PDZD2: variants seen among roughly 807,000 people sequenced by gnomAD.
PDZD2 encodes the protein PDZ domain-containing protein 2.
In PDZD2, 90 loss-of-function variants were observed where a neutral mutation model predicts 220.7. That is an observed-to-expected ratio of 0.41 (90% CI 0.34 to 0.49). The LOEUF is 0.49. Among genes scored for constraint, PDZD2 ranks in the 20% least tolerant of loss-of-function variants. The pLI, the probability that PDZD2 is intolerant of heterozygous loss-of-function variation, is 0.28. For missense variants in PDZD2, 3,174 were observed against 3,608.5 expected (o/e 0.88, Z 3.08); for synonymous variants, 1,375 against 1,450.5 (o/e 0.95, Z 1.18).
At chr5:32,073,741 A>G in intron 17 of PDZD2, 91 bp from the exon 18 acceptor site, 1 of 812,814 alleles carries the variant, frequency 1.2e-6, no homozygotes, top group Non-Finnish European at 2.0e-6. Context: ...GAATGTGGAA[A>G]TGCTTATGTG....
chr5:31,796,582 T>G (rs1754039275), intron 1 of PDZD2, among the ~76,000 whole-genome samples: 1 of 152,122 alleles, frequency 6.6e-6, no homozygotes. Flanking sequence ...TGTCCCAGCG[T>G]GGGTGAGATG....
At chr5:31,850,023 TACTC>T (rs1375622898) in intron 2 of PDZD2, among the ~76,000 whole-genome samples, 3,907 of 120,090 alleles carry the variant, frequency 0.033, 809 homozygotes, top group African/African-American at 0.056. Context: ...CACACGTATA[TACTC>T]ATATATACAC....
chr5:31,813,924 T>G (rs989381862), intron 2 of PDZD2, among the ~76,000 whole-genome samples: 4 of 152,174 alleles, frequency 2.6e-5, no homozygotes, highest in African/African-American at 9.7e-5. Context: ...TCCGAGCACT[T>G]TGGGAGGCCA....
intron 2 of PDZD2, among the ~76,000 whole-genome samples, chr5:31,929,482 A>G (rs1035455866): frequency 9.9e-5 from 15 of 152,244 alleles, no homozygotes; most frequent in African/African-American, 3.1e-4. Flanking sequence ...GGACAGTGCT[A>G]AATGTCTCCT....
At chr5:31,913,650 G>C (rs1346789199) in intron 2 of PDZD2, among the ~76,000 whole-genome samples, 1 of 152,156 alleles carries the variant, frequency 6.6e-6, no homozygotes. Context: ...GTCTTTCTTA[G>C]TGTGGTAATC....
chr5:31,692,682 C>T (rs1447622939), intron 1 of PDZD2, among the ~76,000 whole-genome samples: 1 of 152,214 alleles, frequency 6.6e-6, no homozygotes, highest in East Asian at 1.9e-4. Context: ...ATTCCTAGGC[C>T]AGCTGAGGGA....
intron 1 of PDZD2, among the ~76,000 whole-genome samples, chr5:31,750,686 G>A (rs494504): frequency 0.45 from 68,302 of 151,842 alleles, 16,998 homozygotes; most frequent in East Asian, 0.58. Context: ...ACTGCAAAGG[G>A]CCTGAGGCAG....
intron 1 of PDZD2, among the ~76,000 whole-genome samples, chr5:31,691,180 C>T (rs1435680511): frequency 6.6e-6 from 1 of 152,008 alleles, no homozygotes; most frequent in Admixed American, 6.6e-5. Context: ...TTCGTGGTGT[C>T]GCTGGCTCAG....
rs1191746263 is a variant in PDZD2 at position 31,935,101 on chromosome 5, G to A, written c.477-48054G>A. On this transcript the variant is annotated intron_variant, in intron 2 of 24. Transcript: ENST00000438447. Reference sequence around the variant, plus strand: ...AGACCCTGTCTCAAAAAAAAAAAAAGAAAGAAAATAGAATGGCTGCAAGAA... The same window carrying A: ...AGACCCTGTCTCAAAAAAAAAAAAAAAAAGAAAATAGAATGGCTGCAAGAA... Among the ~76,000 whole-genome samples, 16 of 127,372 alleles carry A rather than the reference G, an allele frequency of 1.3e-4. No homozygotes were observed. The East Asian group carries it at 2.0e-3, about 16-fold the overall frequency. The allele number at this position is 127,372 out of a possible 152,430, so 83.6% of individuals were successfully genotyped here.
At chr5:31,771,954 A>G (rs763803704) in intron 1 of PDZD2, among the ~76,000 whole-genome samples, 102 of 152,310 alleles carry the variant, frequency 6.7e-4, no homozygotes, top group South Asian at 8.3e-4. Flanking sequence ...TCTTAAACTA[A>G]GATTTTTGAT....
chr5:32,091,218 C>G, intron 20 of PDZD2, 43 bp downstream of exon 20: 2 of 1,345,470 alleles, frequency 1.5e-6, no homozygotes, highest in Non-Finnish European at 2.0e-6. Context: ...AAACTTGTTT[C>G]ATTTTGGAAT....
chr5:31,961,940 C>T (rs1748276996), intron 2 of PDZD2, among the ~76,000 whole-genome samples: 1 of 152,144 alleles, frequency 6.6e-6, no homozygotes, highest in Non-Finnish European at 1.5e-5. Context: ...TTACCCTTTC[C>T]CTCCCACCTT....
chr5:31,966,130 T>G (rs1748727455), intron 2 of PDZD2, among the ~76,000 whole-genome samples: 1 of 152,190 alleles, frequency 6.6e-6, no homozygotes, highest in African/African-American at 2.4e-5. Flanking sequence ...CTCTACTGTT[T>G]TCAGCTTTCT....
intron 1 of PDZD2, among the ~76,000 whole-genome samples, chr5:31,652,678 T>G (rs564748846): frequency 6.6e-6 from 1 of 152,306 alleles, no homozygotes; most frequent in East Asian, 1.9e-4. Flanking sequence ...TTGGCTGTCT[T>G]CCGGACCAGA....
At chr5:32,093,187 G>T (rs1042931304) in intron 21 of PDZD2, among the ~76,000 whole-genome samples, 163 bp downstream of exon 21, 1 of 152,186 alleles carries the variant, frequency 6.6e-6, no homozygotes, top group Non-Finnish European at 1.5e-5. Flanking sequence ...TTGGCCTCAC[G>T]TGCTGCTAGC....
chr5:31,654,026 C>T (rs945794590), intron 1 of PDZD2, among the ~76,000 whole-genome samples: 12 of 152,192 alleles, frequency 7.9e-5, no homozygotes, highest in Non-Finnish European at 1.3e-4. Context: ...CCTTGTGATA[C>T]GCCCACGTTG....
chr5:31,960,276 G>A (rs1334166758), intron 2 of PDZD2, among the ~76,000 whole-genome samples: 1 of 151,392 alleles, frequency 6.6e-6, no homozygotes, highest in East Asian at 1.9e-4. Flanking sequence ...GAGTGCCATG[G>A]CGCGATCTCG....
At chr5:31,892,962 GAAC>G (rs1356278478) in intron 2 of PDZD2, among the ~76,000 whole-genome samples, 3 of 152,216 alleles carry the variant, frequency 2.0e-5, no homozygotes. Flanking sequence ...AAACAGGTGT[GAAC>G]AAAGTGTGGC....
At chr5:31,847,136 G>A (rs1182326663) in intron 2 of PDZD2, 1 of 156,134 alleles carries the variant, frequency 6.4e-6, no homozygotes, top group African/African-American at 2.4e-5. Flanking sequence ...CCATCCATAT[G>A]CTGTCTCATA....
Sources: allele counts gnomAD v4.1 joint callset (sites outside exome capture counted in the v4.1 genomes callset), GRCh38; gene constraint gnomAD v4.1.1; transcripts MANE v1.5; gene names NCBI Gene and HGNC (gene_info 2026-07-23, HGNC 2026-07-21).